CHAF1A: variants seen among roughly 807,000 people sequenced by gnomAD.
The protein encoded by CHAF1A is chromatin assembly factor 1 subunit A, also known as CAF-1 subunit A.
A neutral mutation model predicts 93.2 loss-of-function variants in CHAF1A; 5 were observed. The ratio of observed to expected loss-of-function variants is 0.05; its 90% CI spans 0.03 to 0.11. The LOEUF (loss-of-function observed/expected upper bound fraction) is 0.11. Ranked by LOEUF, CHAF1A falls within the 10% of genes least tolerant of loss-of-function variation. The pLI, the probability that CHAF1A is intolerant of heterozygous loss-of-function variation, is 1.00. For missense variants in CHAF1A, 1,102 were observed against 1,259.9 expected (o/e 0.87, Z 1.90); for synonymous variants, 504 against 510.3 (o/e 0.99, Z 0.17).
rs533012028 is a variant in CHAF1A at position 4,421,848 on chromosome 19, T to C, written c.1018-718T>C. Among the ~76,000 whole-genome samples, 124 of 146,330 alleles carry C rather than the reference T, an allele frequency of 8.5e-4. 2 individuals are homozygous for C. The highest frequency in any genetic ancestry group is 2.4e-3 in the African/African-American group (94 of 39,594). On this transcript the variant is annotated intron_variant, in intron 4 of 14. Transcript: ENST00000301280. ...CCTGGAGCTGGTCTCTGAATTCTTA[T>C]TTATTCATTTATTTTTTTAACTGAG...
At position 4,429,527 on chromosome 19, in the gene CHAF1A, A is replaced by C; in HGVS notation, c.1694A>C (p.Asn565Thr). ...GRMKLLQFCE[N>T]HRPAYWGTWN... ...ATGAAGCTCCTGCAGTTCTGTGAGA[A>C]CCACCGGCCTGCCTACTGGGGTACC... Residue 565 changes from asparagine (N) to threonine (T), a missense_variant, in exon 9 of 15, where the codon AAC becomes ACC. Physicochemically the swap from Asn to Thr is moderately conservative, Grantham distance 65. This residue lies in a region of CHAF1A where 335 missense variants were observed against 361.9 expected (regional missense o/e 0.93). Coordinates refer to ENST00000301280, the MANE Select transcript of CHAF1A (RefSeq NM_005483.3). The C allele has an allele frequency of 6.2e-7, 1 of 1,613,662 alleles. No individual in the cohort carries two copies.
At chr19:4,450,436 T>C in the CHAF1A span, 1 of 151,906 alleles carries the variant, frequency 6.6e-6, no homozygotes, top group African/African-American at 2.4e-5. Context: ...GCAACTCATA[T>C]CATAGGCAAA....
In CHAF1A at chr19:4,431,947, A is replaced by T. The variant is rs2145130205; in HGVS notation, c.1948-5A>T. 6.2e-7 allele frequency: 1 copy of T among 1,600,964 alleles called. No individual in the cohort carries two copies. Among genetic ancestry groups the T allele is most frequent in the Non-Finnish European group, 8.5e-7 (1 of 1,170,354 alleles). On this transcript the variant is annotated splice_region_variant and splice_polypyrimidine_tract_variant and intron_variant, in intron 11 of 14. Transcript: ENST00000301280. Reference sequence around the variant, plus strand: ...CAAATAAACTTCTGCTTTCTAAACCACAAGGAGTGTGCCGACCCTGAGAAC... The same window carrying T: ...CAAATAAACTTCTGCTTTCTAAACCTCAAGGAGTGTGCCGACCCTGAGAAC...
chr19:4,448,404 G>T (rs772380278), downstream of CHAF1A: 1 of 1,606,908 alleles, frequency 6.2e-7, no homozygotes, highest in Non-Finnish European at 8.5e-7. Context: ...CCACTGGGTC[G>T]GTGGAGAAGT....
downstream of CHAF1A, among the ~76,000 whole-genome samples, chr19:4,443,880 G>C (rs1487499798): frequency 6.6e-6 from 1 of 152,162 alleles, no homozygotes; most frequent in Non-Finnish European, 1.5e-5. Context: ...GCAGCCACGG[G>C]GAGGGTCACG....
intron 7 of CHAF1A, 24 bp from the exon 8 acceptor site, chr19:4,428,640 C>T (rs1974126778): frequency 6.3e-7 from 1 of 1,593,846 alleles, no homozygotes; most frequent in Non-Finnish European, 8.6e-7. Flanking sequence ...TCGAAGACCC[C>T]ATCGGGTCTC....
chr19:4,440,135 A>G (rs1027890490), intron 13 of CHAF1A, among the ~76,000 whole-genome samples: 7 of 152,156 alleles, frequency 4.6e-5, no homozygotes, highest in Admixed American at 3.9e-4. Context: ...GTTTTTGTAG[A>G]GGAAGAATTC....
chr19:4,409,450 C>G lies in CHAF1A; in HGVS notation c.651C>G (p.Cys217Trp). ...CPELTSGPRM[C>W]PRKEQDSWSE... ...AGCTGACGAGTGGCCCGAGAATGTG[C>G]CCCAGAAAGGAGCAGGACAGTTGGA... The change falls in exon 3 of 15, where the codon TGC becomes TGG. Residue 217 changes from cysteine (C) to tryptophan (W), a missense_variant. Cys to Trp is a radical substitution (Grantham distance 215). Transcript: ENST00000301280. 6.2e-7 allele frequency: 1 copy of G among 1,614,066 alleles called. No individual in the cohort carries two copies. Among genetic ancestry groups the G allele is most frequent in the Non-Finnish European group, 8.5e-7 (1 of 1,180,012 alleles).
downstream of CHAF1A, chr19:4,449,163 C>T (rs1471373686): frequency 6.5e-6 from 1 of 153,124 alleles, no homozygotes; most frequent in East Asian, 1.9e-4. Context: ...CAAATCCACG[C>T]TCGGCACAGC....
intron 13 of CHAF1A, among the ~76,000 whole-genome samples, chr19:4,435,498 T>G (rs1244689735): frequency 6.6e-6 from 1 of 151,406 alleles, no homozygotes; most frequent in Admixed American, 6.6e-5. Flanking sequence ...CTTAGCCTCC[T>G]CAGTAGCTGA....
In CHAF1A at chr19:4,429,722, T is replaced by G; in HGVS notation, c.1788T>G (p.Tyr596Ter). The change falls in exon 10 of 15, where the codon TAT becomes TAG. Residue 596 changes from tyrosine to a stop codon, truncating the protein, a stop_gained. Transcript: ENST00000301280. LOFTEE classifies it high-confidence loss of function. Reference protein sequence around the residue: ...PWAQDTKLLDYEVDSDEEWEE... With the variant: ...PWAQDTKLLD ...TCTTTTCTCAGAAGCTCCTGGACTA[T>G]GAGGTGGACAGTGATGAGGAGTGGG... 1 of 1,614,032 alleles carries G rather than the reference T, an allele frequency of 6.2e-7. No individual in the cohort carries two copies. The highest frequency in any genetic ancestry group is 8.5e-7 in the Non-Finnish European group (1 of 1,179,982).
At position 4,409,762 on chromosome 19, in the gene CHAF1A, G is replaced by A. The variant is rs1195382044; in HGVS notation, c.960+3G>A. On this transcript the variant is annotated splice_donor_region_variant and intron_variant, in intron 3 of 14. Transcript: ENST00000301280. Reference sequence around the variant, plus strand: ...CCACCTCCACGCCCCTCCGCAGAGTGAGTATCTCCCATGGAGTCCCTGCAC... The same window carrying A: ...CCACCTCCACGCCCCTCCGCAGAGTAAGTATCTCCCATGGAGTCCCTGCAC... The A allele has an allele frequency of 6.2e-6, 10 of 1,602,034 alleles. No individual in the cohort carries two copies. Among genetic ancestry groups the A allele is most frequent in the South Asian group, 2.2e-5 (2 of 89,868 alleles).
intron 6 of CHAF1A, among the ~76,000 whole-genome samples, 170 bp downstream of exon 6, chr19:4,423,565 G>A (rs1974028793): frequency 6.6e-6 from 1 of 152,210 alleles, no homozygotes; most frequent in African/African-American, 2.4e-5. Flanking sequence ...CTTCTTCCCA[G>A]TGCTGGCTGT....
downstream of CHAF1A, chr19:4,447,326 G>A: frequency 3.4e-6 from 2 of 590,002 alleles, no homozygotes; most frequent in African/African-American, 1.9e-5. Context: ...AAGGATGCAG[G>A]TGAGGAGAGG....
downstream of CHAF1A, chr19:4,446,359 C>T (rs1443071944): frequency 3.8e-6 from 6 of 1,572,682 alleles, no homozygotes; most frequent in Non-Finnish European, 5.1e-6. Flanking sequence ...GCTGCTCCTC[C>T]TTCTCCCGCA....
Position 4,409,079 on chromosome 19 carries a change from G to C in CHAF1A, c.280G>C (p.Gly94Arg). Residue 94 changes from glycine to arginine, a missense_variant, in exon 3 of 15, where the codon GGG (glycine) becomes CGG (arginine). Gly to Arg is a moderately radical substitution (Grantham distance 125, BLOSUM62 -2). Transcript: ENST00000301280. ...AGACTTTAGACCGAAACTTGTCAAC[G>C]GGAAGGGTCCCTTAGATAACTTTTT... ...DIDFRPKLVN[G>R]KGPLDNFLRN... The C allele has an allele frequency of 6.2e-7, 1 of 1,614,182 alleles. No individual in the cohort carries two copies. The highest frequency in any genetic ancestry group is 8.5e-7 in the Non-Finnish European group (1 of 1,180,040).
chr19:4,410,837 C>T (rs1038250786), intron 3 of CHAF1A, among the ~76,000 whole-genome samples: 4 of 152,238 alleles, frequency 2.6e-5, no homozygotes, highest in South Asian at 2.1e-4. Context: ...GGTGACAGAG[C>T]GAGACCCCAT....
At chr19:4,426,237 G>A (rs1445339813) in intron 7 of CHAF1A, among the ~76,000 whole-genome samples, 3 of 146,520 alleles carry the variant, frequency 2.0e-5, no homozygotes, top group Admixed American at 7.0e-5. Flanking sequence ...GTGCCATCTC[G>A]GCTCACTGCA....
At chr19:4,438,936 C>T (rs190440291) in intron 13 of CHAF1A, among the ~76,000 whole-genome samples, 91 of 151,918 alleles carry the variant, frequency 6.0e-4, no homozygotes, top group African/African-American at 2.1e-3. Flanking sequence ...GAGCCGAGAT[C>T]GCGCCACTGC....
Sources: gnomAD v4.1 joint callset for allele counts (sites outside exome capture counted in the v4.1 genomes callset) on GRCh38, gnomAD v4.1.1 for gene constraint, gnomAD v4.1.1 regional missense constraint, MANE v1.5 for transcripts, NCBI Gene and HGNC (gene_info 2026-07-23, HGNC 2026-07-21) for gene names.